The following RHOT1 variants were observed in gnomAD, a reference collection of about 807,000 sequenced individuals.
The protein encoded by RHOT1 is ras homolog family member T1.
RHOT1 carries 27 observed loss-of-function variants against 95.3 expected under a neutral mutation model. That is an observed-to-expected ratio of 0.28 (90% CI 0.21 to 0.39). The LOEUF (loss-of-function observed/expected upper bound fraction) is 0.39, where lower values mean the gene tolerates loss of function less well. Among genes scored for constraint, RHOT1 ranks in the 10% least tolerant of loss-of-function variants. The pLI is 1.00. For synonymous variants in RHOT1, 227 were observed against 263.5 expected, an observed-to-expected ratio of 0.86 and a Z score of 1.34; for missense variants, 578 against 786.7, an observed-to-expected ratio of 0.73 and a Z score of 3.17.
At chr17:32,151,044 G>T in intron 1 of RHOT1, 1 of 1,418,310 alleles carries the variant, frequency 7.1e-7, no homozygotes, top group Non-Finnish European at 9.8e-7. Flanking sequence ...GGAGATTGTG[G>T]TCTGTTCTTG....
At chr17:32,217,040 T>A (rs2038519600) in intron 19 of RHOT1, among the ~76,000 whole-genome samples, 2 of 152,228 alleles carry the variant, frequency 1.3e-5, no homozygotes, top group South Asian at 4.1e-4. Context: ...TTAAATTTTT[T>A]GTCATTTGGT....
chr17:32,172,358 GTTTTC>G (rs2034645703), intron 2 of RHOT1, among the ~76,000 whole-genome samples: 3 of 152,266 alleles, frequency 2.0e-5, no homozygotes, highest in Admixed American at 2.0e-4. Flanking sequence ...ACACCTAAAA[GTTTTC>G]TGTGAGAGTT....
intron 1 of RHOT1, chr17:32,143,235 G>C (rs1007918269): frequency 1.8e-5 from 7 of 381,526 alleles, no homozygotes; most frequent in Non-Finnish European, 3.7e-5. Context: ...AGAACTATTC[G>C]ACTTGTGGGC....
At chr17:32,221,370 C>CAAAAA (rs397805349) in intron 19 of RHOT1, among the ~76,000 whole-genome samples, 3 of 68,000 alleles carry the variant, frequency 4.4e-5, no homozygotes, top group African/African-American at 5.1e-5. Flanking sequence ...TCGTCTGTCT[C>CAAAAA]AAAAAAAAAA....
chr17:32,185,267 C>T (rs751974871), intron 8 of RHOT1, among the ~76,000 whole-genome samples: 1 of 152,126 alleles, frequency 6.6e-6, no homozygotes, highest in African/African-American at 2.4e-5. Flanking sequence ...TGCGCCACTA[C>T]ACCCTACTAA....
chr17:32,183,123 T>C, intron 7 of RHOT1, 48 bp from the exon 8 acceptor site: 1 of 1,444,884 alleles, frequency 6.9e-7, no homozygotes, highest in South Asian at 1.3e-5. Flanking sequence ...TGAAAATTGT[T>C]TTTAGCTCTC....
chr17:32,173,747 A>C (rs933552310), intron 2 of RHOT1, 84 bp from the exon 3 acceptor site: 3 of 896,720 alleles, frequency 3.3e-6, no homozygotes, highest in Non-Finnish European at 5.4e-6. Context: ...CAACCTGTGT[A>C]GATAAATTTA....
intron 13 of RHOT1, among the ~76,000 whole-genome samples, 185 bp from the exon 14 acceptor site, chr17:32,200,771 C>T (rs2037254783): frequency 6.8e-6 from 1 of 146,642 alleles, no homozygotes; most frequent in Non-Finnish European, 1.5e-5. Context: ...AAGGCCCTAT[C>T]TTTCAAAAAA....
chr17:32,208,012 C>A, intron 17 of RHOT1, 95 bp from the exon 18 acceptor site: 1 of 1,111,134 alleles, frequency 9.0e-7, no homozygotes, highest in Non-Finnish European at 1.3e-6. Context: ...ACTACTGTTG[C>A]TTTGCCCATC....
chr17:32,204,641 A>G (rs1240935659), intron 16 of RHOT1, among the ~76,000 whole-genome samples: 3 of 152,038 alleles, frequency 2.0e-5, no homozygotes, highest in Non-Finnish European at 4.4e-5. Context: ...AAATTAAAAA[A>G]AAAATTAAGT....
At chr17:32,171,347 A>G (rs2034560152) in intron 2 of RHOT1, among the ~76,000 whole-genome samples, 1 of 152,174 alleles carries the variant, frequency 6.6e-6, no homozygotes, top group South Asian at 2.1e-4. Context: ...TGGCCTCCCA[A>G]AGTGCTGGGA....
At chr17:32,214,031 G>A (rs555130419) in intron 19 of RHOT1, among the ~76,000 whole-genome samples, 2 of 152,282 alleles carry the variant, frequency 1.3e-5, no homozygotes, top group South Asian at 2.1e-4. Flanking sequence ...ACAAGTAGAG[G>A]AACCAGTATA....
intron 11 of RHOT1, among the ~76,000 whole-genome samples, chr17:32,196,276 G>A (rs982961430): frequency 1.3e-5 from 2 of 149,978 alleles, no homozygotes; most frequent in Middle Eastern, 3.2e-3. Flanking sequence ...CTGTGGCCTC[G>A]GCCTCCTGGG....
chr17:32,151,853 G>T (rs943165147), intron 1 of RHOT1, among the ~76,000 whole-genome samples: 1 of 143,396 alleles, frequency 7.0e-6, no homozygotes, highest in Non-Finnish European at 1.5e-5. Context: ...TTGCACTCCA[G>T]CCTGGGCGAC....
Position 32,154,285 on chromosome 17 carries a change from T to TAAA in RHOT1, c.37+11567_37+11569dup, listed in dbSNP as rs539073195. Reference sequence around the variant, plus strand: ...GGGAGACCCCGTCTCTACGAGAAATTAAAAAAAAAAAAAGGCCAGGCGCAG... The same window carrying TAAA: ...GGGAGACCCCGTCTCTACGAGAAATTAAAAAAAAAAAAAAAAGGCCAGGCGCAG... On this transcript the variant is annotated intron_variant, in intron 1 of 19. Transcript: ENST00000545287. Among the ~76,000 whole-genome samples, 437 of 124,820 alleles carry TAAA rather than the reference T, an allele frequency of 3.5e-3. 7 individuals carry two copies. The highest frequency in any genetic ancestry group is 0.012 in the African/African-American group (401 of 32,206). The allele number at this position is 124,820 out of a possible 152,430, so 81.9% of individuals were successfully genotyped here. A position where few individuals can be genotyped will look rare whatever the true frequency, so the allele number is the denominator to read the frequency against.
In RHOT1 at chr17:32,183,069, C is replaced by T. The variant is rs1031267402; in HGVS notation, c.439-102C>T. On this transcript the variant is annotated intron_variant, in intron 7 of 19. Coordinates refer to ENST00000545287, the MANE Select transcript of RHOT1 (RefSeq NM_001033566.3). ...GTGATGTCCACAAAGATGCATTTTT[C>T]GTTTTTTTTCAAGGAATCTTTTTTT... The T allele has an allele frequency of 1.6e-5, 16 of 978,234 alleles. No individual in the cohort carries two copies. In the African/African-American group the frequency reaches 1.8e-4, roughly 11 times the overall value. The allele number at this position is 978,234 out of a possible 1,614,324, so 60.6% of individuals were successfully genotyped here.
chr17:32,175,547 C>G (rs982874105), intron 4 of RHOT1, among the ~76,000 whole-genome samples, 185 bp downstream of exon 4: 1 of 152,314 alleles, frequency 6.6e-6, no homozygotes, highest in East Asian at 1.9e-4. Flanking sequence ...ACCTCCATCT[C>G]GCAGGCTCAA....
chr17:32,150,845 A>C lies in RHOT1; in HGVS notation c.37+8116A>C, dbSNP rs9906736. The C allele has an allele frequency of 1.3e-5, 20 of 1,522,846 alleles. No homozygotes were observed. In the South Asian group the frequency reaches 2.3e-4, roughly 18 times the overall value. The allele number at this position is 1,522,846 out of a possible 1,614,324, so 94.3% of individuals were successfully genotyped here. On this transcript the variant is annotated intron_variant, in intron 1 of 19. Transcript: ENST00000545287. ...GGGTCTAAGAGCTGAGGTGGAAGGG[A>C]GCTGTAGAAATCTGAAACCACGGGA... is the stretch of plus-strand genomic sequence containing the variant.
At chr17:32,150,938 T>C in intron 1 of RHOT1, 1 of 1,547,066 alleles carries the variant, frequency 6.5e-7, no homozygotes, top group Non-Finnish European at 8.8e-7. Context: ...GGAAGGTATC[T>C]GGTTTGGTTG....
Sources: gnomAD v4.1 joint callset for allele counts (sites outside exome capture counted in the v4.1 genomes callset) on GRCh38, gnomAD v4.1.1 for gene constraint, MANE v1.5 for transcripts, NCBI Gene and HGNC (gene_info 2026-07-23, HGNC 2026-07-21) for gene names.